LZIC: variants seen among roughly 807,000 people sequenced by gnomAD.
The protein encoded by LZIC is protein LZIC.
Under a neutral mutation model 25.4 loss-of-function variants are expected in LZIC, and 28 were observed. That is an observed-to-expected ratio of 1.10 (90% CI 0.82 to 1.51). The LOEUF (loss-of-function observed/expected upper bound fraction) is 1.51. Ranked by LOEUF, LZIC falls within the 40% of genes most tolerant of loss-of-function variation. The pLI is 0.00. For synonymous variants in LZIC, 65 were observed against 70.7 expected (o/e 0.92, Z 0.40); for missense variants, 170 against 211.1 (o/e 0.81, Z 1.21).
chr1:9,933,179 C>CAGA, intron 5 of LZIC, among the ~76,000 whole-genome samples: 1 of 138,380 alleles, frequency 7.2e-6, no homozygotes, highest in East Asian at 2.2e-4. Flanking sequence ...GGTGTGAACC[C>CAGA]GGGAGGTGGA....
At position 9,931,957 on chromosome 1, in the gene LZIC, C is replaced by G. The variant is rs1190173249; in HGVS notation, c.448G>C (p.Glu150Gln). The change falls in exon 7 of 8, where the codon GAG becomes CAG. Residue 150 changes from glutamate (E) to glutamine (Q), a missense_variant. Transcript: ENST00000377223. ...KLGEKLTADDEAFLSANAGAI... is the reference protein window; with the variant it reads ...KLGEKLTADDQAFLSANAGAI... The stretch of plus-strand genomic sequence containing the variant: ...CCTGCATTTGCTGACAAGAAGGCCT[C>G]ATCATCTGCAGTCAGCTAAACAAAA... The G allele has an allele frequency of 6.2e-7, 1 of 1,613,574 alleles. No individual in the cohort carries two copies. Among genetic ancestry groups the G allele is most frequent in the African/African-American group, 1.3e-5 (1 of 74,884 alleles).
intron 5 of LZIC, among the ~76,000 whole-genome samples, chr1:9,933,781 C>A (rs1640337933): frequency 6.6e-6 from 1 of 151,766 alleles, no homozygotes; most frequent in Non-Finnish European, 1.5e-5. Flanking sequence ...TGGTGTTGTG[C>A]CTGTGGGCCC....
intron 2 of LZIC, among the ~76,000 whole-genome samples, chr1:9,936,872 C>G (rs886463947): frequency 1.3e-5 from 2 of 152,220 alleles, no homozygotes; most frequent in Non-Finnish European, 2.9e-5. Context: ...TGGCTCAGGC[C>G]TGTAATCCCA....
At position 9,935,532 on chromosome 1, in the gene LZIC, C is replaced by T; in HGVS notation, c.197G>A (p.Gly66Glu). The part of the protein sequence containing the change: ...FNDSLKKIMS[G>E]NMTLVDELSG... Reference sequence around the variant, plus strand: ...TAGTTCATCTACCAAAGTCATATTTCCAGACATAATTTTCTTTAGTGAATC... The same window carrying T: ...TAGTTCATCTACCAAAGTCATATTTTCAGACATAATTTTCTTTAGTGAATC... Residue 66 changes from glycine (G) to glutamate (E), a missense_variant, in exon 4 of 8, where the codon GGA becomes GAA. Transcript: ENST00000377223. 1.9e-6 allele frequency: 3 copies of T among 1,612,066 alleles called. No homozygotes were observed. Among genetic ancestry groups the T allele is most frequent in the South Asian group, 1.1e-5 (1 of 90,414 alleles).
intron 7 of LZIC, among the ~76,000 whole-genome samples, chr1:9,931,206 G>A (rs1271754655): frequency 2.0e-5 from 3 of 151,920 alleles, no homozygotes; most frequent in Admixed American, 6.6e-5. Flanking sequence ...AGCTAGAACT[G>A]TAAGTGCATG....
At chr1:9,940,097 A>G (rs972260468) in intron 2 of LZIC, among the ~76,000 whole-genome samples, 2 of 151,798 alleles carry the variant, frequency 1.3e-5, no homozygotes, top group African/African-American at 4.8e-5. Context: ...CCAGCCTGGG[A>G]GACAGAGTGA....
chr1:9,927,678 CTT>C lies in LZIC; in HGVS notation c.*2719_*2720del, dbSNP rs551706607. ...AGGGTAAGGGAAGAATCTTCTTCCT[CTT>C]TTTTTTTTTTTTTTTTTTTTTGAGA... On this transcript the variant is annotated 3_prime_UTR_variant, in exon 8 of 8. Coordinates refer to ENST00000377223, the MANE Select transcript of LZIC (RefSeq NM_032368.5). 7.4e-4 allele frequency among the ~76,000 whole-genome samples: 79 copies of C among 106,642 alleles called. No individual in the cohort carries two copies. The highest frequency in any genetic ancestry group is 1.0e-3 in the Non-Finnish European group (55 of 54,762). 70.0% of individuals were successfully genotyped at this position (106,642 alleles called of 152,430 possible). A position where few individuals can be genotyped will look rare whatever the true frequency, so the allele number is the denominator to read the frequency against.
chr1:9,942,714 TGAG>T lies in LZIC; in HGVS notation c.-102_-100del. On this transcript the variant is annotated 5_prime_UTR_variant, in exon 2 of 8. Transcript: ENST00000377223. ...CTTGACGTTCCGAGTGTCATAAACT[TGAG>T]GAAAATGAAATTATTCATCAGGACT... is the stretch of plus-strand genomic sequence containing the variant. 1 of 1,288,844 alleles carries T rather than the reference TGAG, an allele frequency of 7.8e-7. No individual in the cohort carries two copies. Among genetic ancestry groups the T allele is most frequent in the Non-Finnish European group, 1.0e-6 (1 of 988,360 alleles). The allele number at this position is 1,288,844 out of a possible 1,614,324, so 79.8% of individuals were successfully genotyped here.
downstream of LZIC, among the ~76,000 whole-genome samples, chr1:9,925,836 C>T (rs1639967534): frequency 6.6e-6 from 1 of 151,534 alleles, no homozygotes; most frequent in African/African-American, 2.4e-5. Flanking sequence ...GATCTGCCCA[C>T]CTTGGCCTAC....
chr1:9,930,274 G>C lies in LZIC; in HGVS notation c.*125C>G. On this transcript the variant is annotated 3_prime_UTR_variant, in exon 8 of 8. Transcript: ENST00000377223. ...CAAGCCATAAGTATATTTTTATGTC[G>C]CTTTTTCTTAGGTTATTGATGCATT... 1 of 1,537,712 alleles carries C rather than the reference G, an allele frequency of 6.5e-7. No homozygotes were observed. Among genetic ancestry groups the C allele is most frequent in the Non-Finnish European group, 8.7e-7 (1 of 1,145,516 alleles).
At chr1:9,930,753 CTT>C (rs1640177054) in intron 7 of LZIC, among the ~76,000 whole-genome samples, 1 of 151,994 alleles carries the variant, frequency 6.6e-6, no homozygotes, top group East Asian at 1.9e-4. Flanking sequence ...GAGTTTCGCT[CTT>C]GTCGCCCAGG....
At position 9,930,252 on chromosome 1, in the gene LZIC, GC is replaced by G. The variant is rs1326103717; in HGVS notation, c.*146del. ...ACAATGATGAAGAGCATAAACACAA[GC>G]CATAAGTATATTTTTATGTCGCTTT... On this transcript the variant is annotated 3_prime_UTR_variant, in exon 8 of 8. Transcript: ENST00000377223. The G allele has an allele frequency of 6.6e-7, 1 of 1,515,016 alleles. No homozygotes were observed. The highest frequency in any genetic ancestry group is 8.8e-7 in the Non-Finnish European group (1 of 1,135,498). The allele number at this position is 1,515,016 out of a possible 1,614,324, so 93.8% of individuals were successfully genotyped here.
At chr1:9,941,027 T>C (rs1319629862) in intron 2 of LZIC, among the ~76,000 whole-genome samples, 1 of 152,162 alleles carries the variant, frequency 6.6e-6, no homozygotes, top group Non-Finnish European at 1.5e-5. Flanking sequence ...TCATGCACTT[T>C]TTTGAGCCTG....
chr1:9,934,686 G>T, intron 5 of LZIC, 76 bp downstream of exon 5: 1 of 1,269,686 alleles, frequency 7.9e-7, no homozygotes, highest in Non-Finnish European at 1.1e-6. Flanking sequence ...AAATTTTTAA[G>T]CCATAGGATA....
intron 4 of LZIC, 128 bp downstream of exon 4, chr1:9,935,364 G>A (rs534432044): frequency 2.3e-6 from 2 of 883,982 alleles, no homozygotes; most frequent in African/African-American, 3.4e-5. Flanking sequence ...GGAGGCGGAG[G>A]TTGCAGTGAG....
chr1:9,930,355 T>C lies in LZIC; in HGVS notation c.*44A>G, dbSNP rs779477038. 3 of 1,598,896 alleles carry C rather than the reference T, an allele frequency of 1.9e-6. No individual in the cohort carries two copies. Among genetic ancestry groups the C allele is most frequent in the African/African-American group, 2.7e-5 (2 of 74,156 alleles). On this transcript the variant is annotated 3_prime_UTR_variant, in exon 8 of 8. Coordinates refer to ENST00000377223, the MANE Select transcript of LZIC (RefSeq NM_032368.5). ...TGAAAACCCCAGAAGAAAGACACCA[T>C]TTACATTAAGAATGTGATCAATGTT...
chr1:9,922,197 G>C (rs1639883334), downstream of LZIC: 1 of 657,520 alleles, frequency 1.5e-6, no homozygotes, highest in Non-Finnish European at 1.9e-6. Context: ...TCATATTCTT[G>C]TGCTGGGCTT....
Position 9,932,685 on chromosome 1 carries a change from G to GAAAA in LZIC, c.432+114_432+117dup, listed in dbSNP as rs34009055. On this transcript the variant is annotated intron_variant, in intron 6 of 7. Coordinates refer to ENST00000377223, the MANE Select transcript of LZIC (RefSeq NM_032368.5). ...GCAACAAGAGCGGAACTCCGTCTCA[G>GAAAA]AAAAAAAAAAAAAAAAAAAAGAATG... 537 of 282,418 alleles carry GAAAA rather than the reference G, an allele frequency of 1.9e-3. 1 individual carries two copies. The highest frequency in any genetic ancestry group is 4.1e-3 in the South Asian group (104 of 25,206). 17.5% of individuals were successfully genotyped at this position (282,418 alleles called of 1,614,324 possible).
chr1:9,936,725 G>A (rs1640474244), intron 2 of LZIC, 98 bp from the exon 3 acceptor site: 1 of 777,032 alleles, frequency 1.3e-6, no homozygotes, highest in Non-Finnish European at 2.1e-6. Context: ...TCACTATGTT[G>A]CCCAGGCTGG....
Sources: allele counts gnomAD v4.1 joint callset (sites outside exome capture counted in the v4.1 genomes callset), GRCh38; gene constraint gnomAD v4.1.1; transcripts MANE v1.5; gene names NCBI Gene and HGNC (gene_info 2026-07-23, HGNC 2026-07-21).